Variants in POLK observed in about 807,000 individuals in gnomAD.
POLK encodes the protein polymerase (DNA directed) kappa.
A neutral mutation model predicts 94.0 loss-of-function variants in POLK; 76 were observed. The ratio of observed to expected loss-of-function variants is 0.81; its 90% CI spans 0.67 to 0.98. The LOEUF (loss-of-function observed/expected upper bound fraction) is 0.98. Among genes scored for constraint, POLK ranks in the 50% least tolerant of loss-of-function variants. The pLI, the probability that POLK is intolerant of heterozygous loss-of-function variation, is 0.00. For synonymous variants in POLK, 349 were observed against 325.4 expected, an observed-to-expected ratio of 1.07 and a Z score of -0.78; for missense variants, 954 against 1,010.1, an observed-to-expected ratio of 0.94 and a Z score of 0.75.
rs760635757 is a variant in POLK, at chr5:75,511,823, T to G, written c.-105T>G. ...GGAGCGGAGAAAGGAGAGGGCGGGG[T>G]AGGGATGCAGCTGTGCTGCATTCTG... On this transcript the variant is annotated 5_prime_UTR_variant, in exon 1 of 15. Coordinates refer to ENST00000241436, the Ensembl canonical transcript of POLK. 3.2e-6 allele frequency: 5 copies of G among 1,550,960 alleles called. No individual in the cohort carries two copies. In the South Asian group the frequency reaches 6.0e-5, roughly 18 times the overall value.
chr5:75,548,707 G>T (rs546614847), intron 2 of POLK, among the ~76,000 whole-genome samples: 1 of 151,912 alleles, frequency 6.6e-6, no homozygotes. Context: ...TAGCCAAAAG[G>T]AGGGGAAAGT....
At chr5:75,527,502 TACACACACACACACAC>T (rs58797043) in intron 1 of POLK, among the ~76,000 whole-genome samples, 26 of 133,030 alleles carry the variant, frequency 2.0e-4, no homozygotes, top group East Asian at 1.7e-3. Flanking sequence ...AATTTATATA[TACACACACACACACAC>T]ACACACACAC....
intron 3 of POLK, among the ~76,000 whole-genome samples, chr5:75,567,007 GAA>G (rs2112745837): frequency 6.6e-6 from 1 of 152,308 alleles, no homozygotes; most frequent in Admixed American, 6.5e-5. Flanking sequence ...GATGTAGAAA[GAA>G]AAGAGTTCAG....
chr5:75,560,480 G>A (rs1003034645), intron 3 of POLK, among the ~76,000 whole-genome samples: 5 of 152,048 alleles, frequency 3.3e-5, no homozygotes, highest in Non-Finnish European at 7.4e-5. Context: ...GCTAGGACCC[G>A]AACCAAAGCC....
chr5:75,555,341 A>C (rs1770566849), intron 3 of POLK, among the ~76,000 whole-genome samples: 1 of 151,848 alleles, frequency 6.6e-6, no homozygotes. Flanking sequence ...GCAATCACTG[A>C]CCTTTTTACT....
At chr5:75,514,949 A>G (rs374300815) in intron 1 of POLK, among the ~76,000 whole-genome samples, 2 of 152,338 alleles carry the variant, frequency 1.3e-5, no homozygotes, top group South Asian at 2.1e-4. Context: ...CAGATAGATT[A>G]CATTCTAGGT....
chr5:75,522,617 T>A (rs1768641684), intron 1 of POLK, among the ~76,000 whole-genome samples: 1 of 152,214 alleles, frequency 6.6e-6, no homozygotes, highest in Non-Finnish European at 1.5e-5. Context: ...TAAAAATGAT[T>A]TCTTTTCCTA....
intron 11 of POLK, among the ~76,000 whole-genome samples, chr5:75,590,964 A>G (rs149369371): frequency 1.7e-4 from 26 of 152,290 alleles, no homozygotes; most frequent in African/African-American, 5.8e-4. Context: ...AACAATTTAT[A>G]TTTAGTGTAT....
intron 3 of POLK, among the ~76,000 whole-genome samples, chr5:75,562,896 G>A (rs1265477840): frequency 6.6e-6 from 1 of 152,144 alleles, no homozygotes; most frequent in Non-Finnish European, 1.5e-5. Flanking sequence ...TTAATGTACT[G>A]CTGGATTTGG....
upstream of POLK, chr5:75,511,590 C>A (rs1561318717): frequency 6.8e-7 from 1 of 1,466,170 alleles, no homozygotes; most frequent in African/African-American, 1.4e-5. Context: ...CCACTCACAC[C>A]TCCGCTACCG....
At chr5:75,586,537 A>G (rs1561401874) in intron 9 of POLK, among the ~76,000 whole-genome samples, 1 of 152,154 alleles carries the variant, frequency 6.6e-6, no homozygotes, top group Non-Finnish European at 1.5e-5. Flanking sequence ...CAGATTCCCA[A>G]TCTTCATCCT....
chr5:75,571,284 G>T (rs939685942), intron 4 of POLK, among the ~76,000 whole-genome samples: 1 of 152,114 alleles, frequency 6.6e-6, no homozygotes. Context: ...GGGAGTGATT[G>T]TTTGATTATT....
At chr5:75,554,457 A>T (rs5744620) in intron 3 of POLK, among the ~76,000 whole-genome samples, 5,987 of 152,022 alleles carry the variant, frequency 0.039, 151 homozygotes, top group South Asian at 0.066. Context: ...TGACTTTTTT[A>T]AAAAAAGATT....
chr5:75,563,356 C>A (rs1240556340), intron 3 of POLK, among the ~76,000 whole-genome samples: 1 of 152,076 alleles, frequency 6.6e-6, no homozygotes, highest in African/African-American at 2.4e-5. Context: ...AGCTCCTGAA[C>A]TCATTGATTT....
intron 1 of POLK, among the ~76,000 whole-genome samples, chr5:75,526,117 T>C (rs1768829922): frequency 6.6e-6 from 1 of 152,198 alleles, no homozygotes; most frequent in Non-Finnish European, 1.5e-5. Flanking sequence ...ATAGTAAATA[T>C]AACCAACCTT....
intron 2 of POLK, among the ~76,000 whole-genome samples, chr5:75,550,554 G>A (rs1770285454): frequency 6.6e-6 from 1 of 151,950 alleles, no homozygotes; most frequent in East Asian, 1.9e-4. Context: ...ACTCCAGTCT[G>A]GGCAACAGAG....
chr5:75,573,706 T>A, intron 4 of POLK, 32 bp from the exon 5 acceptor site: 1 of 1,589,120 alleles, frequency 6.3e-7, no homozygotes, highest in Non-Finnish European at 8.6e-7. Flanking sequence ...TAGGTTTGTG[T>A]ATTTTTTTCC....
intron 3 of POLK, among the ~76,000 whole-genome samples, chr5:75,557,582 A>C (rs1770704910): frequency 6.6e-6 from 1 of 152,202 alleles, no homozygotes; most frequent in Non-Finnish European, 1.5e-5. Flanking sequence ...TCCCTGACTT[A>C]ATGGTGGGAT....
At chr5:75,511,753 C>A, upstream of POLK, 3 of 1,551,134 alleles carry the variant, frequency 1.9e-6, no homozygotes, top group African/African-American at 1.4e-5. Context: ...TCCTCCCGAA[C>A]CCTACCTCCG....
Sources: allele counts gnomAD v4.1 joint callset (sites outside exome capture counted in the v4.1 genomes callset), GRCh38; gene constraint gnomAD v4.1.1; transcripts MANE v1.5; gene names NCBI Gene and HGNC (gene_info 2026-07-23, HGNC 2026-07-21).